DNAH14: variants seen among roughly 807,000 people sequenced by gnomAD.
The protein encoded by DNAH14 is dynein axonemal heavy chain 14, also known as axonemal beta dynein heavy chain 14.
In DNAH14, 478 loss-of-function variants were observed where a neutral mutation model predicts 520.9. The observed-to-expected ratio is 0.92, with a 90% CI of 0.85 to 0.99. The LOEUF (loss-of-function observed/expected upper bound fraction) is 0.99. DNAH14 is among the 50% of genes least tolerant of loss of function. The pLI is 0.00. For synonymous variants in DNAH14, 1,581 were observed against 1,757.2 expected, an observed-to-expected ratio of 0.90 and a Z score of 2.51; for missense variants, 4,831 against 5,234.5, an observed-to-expected ratio of 0.92 and a Z score of 2.38.
intron 38 of DNAH14, among the ~76,000 whole-genome samples, chr1:225,201,945 A>C (rs905858369): frequency 2.9e-5 from 4 of 138,902 alleles, no homozygotes; most frequent in Admixed American, 8.0e-5. Context: ...GTGCAATCTC[A>C]GCTCACTGCA....
intron 1 of DNAH14, 25 bp downstream of exon 1, chr1:224,929,860 C>G: frequency 1.5e-6 from 1 of 656,622 alleles, no homozygotes; most frequent in East Asian, 2.8e-5. Flanking sequence ...GTCTTCCTGT[C>G]AGCGGTCGGC....
intron 80 of DNAH14, among the ~76,000 whole-genome samples, chr1:225,380,534 G>A (rs2095766830): frequency 6.6e-6 from 1 of 152,206 alleles, no homozygotes; most frequent in Non-Finnish European, 1.5e-5. Context: ...GGTAGCGTGT[G>A]GCACTGAAAT....
At chr1:225,202,328 G>A (rs10915799) in intron 38 of DNAH14, among the ~76,000 whole-genome samples, 4,023 of 152,240 alleles carry the variant, frequency 0.026, 156 homozygotes, top group African/African-American at 0.08. Flanking sequence ...GAGGCTAGGC[G>A]TGTCTGAGCT....
At chr1:225,104,210 C>T (rs1334864992) in intron 23 of DNAH14, among the ~76,000 whole-genome samples, 1 of 152,130 alleles carries the variant, frequency 6.6e-6, no homozygotes, top group East Asian at 1.9e-4. Flanking sequence ...TATGTTAAAC[C>T]AGCCTTGAAT....
chr1:225,251,828 T>C (rs978601800), intron 43 of DNAH14, among the ~76,000 whole-genome samples: 4 of 152,228 alleles, frequency 2.6e-5, no homozygotes, highest in Non-Finnish European at 5.9e-5. Context: ...TATGAAATAC[T>C]AATACTGTTA....
chr1:225,024,185 AT>A, intron 11 of DNAH14: 1 of 987,598 alleles, frequency 1.0e-6, no homozygotes, highest in Non-Finnish European at 1.2e-6. Context: ...TATATTTTTT[AT>A]TTGTTATATC....
intron 3 of DNAH14, among the ~76,000 whole-genome samples, chr1:224,959,353 C>T (rs1441572141): frequency 1.3e-5 from 2 of 152,072 alleles, no homozygotes; most frequent in Non-Finnish European, 2.9e-5. Context: ...GGTCTGTGGT[C>T]TCCTGATTAT....
chr1:225,165,305 G>A (rs1040348474), intron 35 of DNAH14, among the ~76,000 whole-genome samples: 1 of 151,950 alleles, frequency 6.6e-6, no homozygotes, highest in East Asian at 1.9e-4. Flanking sequence ...TGCCTTTAAT[G>A]TTCATAATAT....
At chr1:225,284,027 A>G (rs923096357) in intron 54 of DNAH14, among the ~76,000 whole-genome samples, 59 of 152,300 alleles carry the variant, frequency 3.9e-4, no homozygotes, top group African/African-American at 1.3e-3. Context: ...AGAGAAATCT[A>G]TAGCTATAAA....
chr1:225,383,369 C>T (rs910250737), intron 81 of DNAH14, among the ~76,000 whole-genome samples: 34 of 152,294 alleles, frequency 2.2e-4, no homozygotes, highest in East Asian at 7.7e-4. Flanking sequence ...TCTTAGGGAA[C>T]CCCCACTCCA....
At chr1:225,378,881 A>AC (rs2095741608) in intron 79 of DNAH14, among the ~76,000 whole-genome samples, 1 of 149,844 alleles carries the variant, frequency 6.7e-6, no homozygotes, top group Non-Finnish European at 1.5e-5. Context: ...CTCCGTCCCA[A>AC]AAAAAAAAAA....
At position 225,111,966 on chromosome 1, in the gene DNAH14, G is replaced by A. The variant is rs563497626; in HGVS notation, c.3868-5718G>A. Among the ~76,000 whole-genome samples, 16 of 151,634 alleles carry A rather than the reference G, an allele frequency of 1.1e-4. No individual in the cohort carries two copies. In the East Asian group the frequency reaches 3.1e-3, roughly 29 times the overall value. On this transcript the variant is annotated intron_variant, in intron 23 of 85. Transcript: ENST00000682510. ...ACTTTGTCCCCCTTTTTAACTTTTT[G>A]GTTTTTTCTATTTATACCATATTGT... is the stretch of plus-strand genomic sequence containing the variant.
At chr1:225,363,014 GT>G (rs948511057) in intron 75 of DNAH14, among the ~76,000 whole-genome samples, 9 of 150,778 alleles carry the variant, frequency 6.0e-5, no homozygotes, top group African/African-American at 1.5e-4. Flanking sequence ...TTTGTATTGT[GT>G]TTTTTTTTCC....
chr1:225,211,701 C>T (rs1433399465), intron 41 of DNAH14, among the ~76,000 whole-genome samples: 1 of 151,944 alleles, frequency 6.6e-6, no homozygotes, highest in Non-Finnish European at 1.5e-5. Flanking sequence ...TTGTCAGATT[C>T]ACCAAGGTTG....
intron 17 of DNAH14, among the ~76,000 whole-genome samples, chr1:225,065,369 T>C (rs1475873238): frequency 6.6e-6 from 1 of 151,830 alleles, no homozygotes; most frequent in Non-Finnish European, 1.5e-5. Flanking sequence ...TTGAAATTTA[T>C]TCTCTTGGTG....
intron 36 of DNAH14, among the ~76,000 whole-genome samples, chr1:225,180,852 C>T (rs769487862): frequency 1.5e-4 from 23 of 152,144 alleles, no homozygotes; most frequent in Non-Finnish European, 2.9e-4. Flanking sequence ...AGACTTACAG[C>T]GTACATGTAC....
At chr1:225,134,791 A>G (rs2078807688) in intron 27 of DNAH14, among the ~76,000 whole-genome samples, 2 of 152,162 alleles carry the variant, frequency 1.3e-5, no homozygotes, top group Non-Finnish European at 2.9e-5. Flanking sequence ...TGGTTTCAGT[A>G]GAAATAGTAC....
intron 45 of DNAH14, 92 bp from the exon 46 acceptor site, chr1:225,259,029 A>T (rs1354220180): frequency 1.5e-6 from 2 of 1,308,284 alleles, no homozygotes; most frequent in African/African-American, 1.6e-5. Context: ...TGCAATTTTC[A>T]ATTGAGGGAG....
intron 21 of DNAH14, 131 bp downstream of exon 21, chr1:225,085,920 A>C: frequency 1.0e-6 from 1 of 961,942 alleles, no homozygotes; most frequent in Non-Finnish European, 1.4e-6. Flanking sequence ...ATTACAATGA[A>C]TATTTACTAG....
Sources: allele counts gnomAD v4.1 joint callset (sites outside exome capture counted in the v4.1 genomes callset), GRCh38; gene constraint gnomAD v4.1.1; transcripts MANE v1.5; gene names NCBI Gene and HGNC (gene_info 2026-07-23, HGNC 2026-07-21).